The following PCSK2 variants were observed in gnomAD, a reference collection of about 807,000 sequenced individuals.
PCSK2 encodes neuroendocrine convertase 2.
In PCSK2, 14 loss-of-function variants were observed where a neutral mutation model predicts 69.7. The observed-to-expected ratio is 0.20, with a 90% CI of 0.13 to 0.31. The LOEUF (loss-of-function observed/expected upper bound fraction) is 0.31, where lower values mean the gene tolerates loss of function less well. PCSK2 is among the 10% of genes least tolerant of loss of function. The pLI is 1.00. For missense variants in PCSK2, 544 were observed against 842.5 expected, an observed-to-expected ratio of 0.65 and a Z score of 4.39; for synonymous variants, 307 against 320.7, an observed-to-expected ratio of 0.96 and a Z score of 0.46.
intron 5 of PCSK2, among the ~76,000 whole-genome samples, chr20:17,375,549 G>A (rs2030899652): frequency 6.6e-6 from 1 of 152,104 alleles, no homozygotes; most frequent in Admixed American, 6.6e-5. Flanking sequence ...CATAAGGGAG[G>A]GTTAATCCCT....
chr20:17,275,586 C>G (rs1350617027), intron 2 of PCSK2, among the ~76,000 whole-genome samples: 2 of 152,078 alleles, frequency 1.3e-5, no homozygotes, highest in Non-Finnish European at 2.9e-5. Flanking sequence ...TAAAAGTAAC[C>G]TGACTAAAAA....
intron 1 of PCSK2, 95 bp downstream of exon 1, chr20:17,227,577 C>A: frequency 3.4e-6 from 3 of 891,366 alleles, no homozygotes; most frequent in South Asian, 3.3e-5. Context: ...AGTTTTCTCT[C>A]TTTCTCATGC....
intron 1 of PCSK2, 56 bp downstream of exon 1, chr20:17,227,538 G>A: frequency 1.4e-6 from 2 of 1,392,524 alleles, no homozygotes; most frequent in Non-Finnish European, 2.0e-6. Context: ...CGGGGGGGCA[G>A]CCCTGCGCAA....
chr20:17,435,927 C>T (rs1206043763), intron 7 of PCSK2, among the ~76,000 whole-genome samples: 1 of 152,276 alleles, frequency 6.6e-6, no homozygotes, highest in South Asian at 2.1e-4. Flanking sequence ...ACCAGCTCTG[C>T]GGGGGCAGCG....
chr20:17,241,039 C>A (rs182641759), intron 1 of PCSK2, among the ~76,000 whole-genome samples: 2 of 152,120 alleles, frequency 1.3e-5, no homozygotes, highest in Non-Finnish European at 2.9e-5. Flanking sequence ...AGGATCAGTT[C>A]GCGCTGATTA....
chr20:17,249,839 G>T (rs541328340), intron 1 of PCSK2, among the ~76,000 whole-genome samples: 3 of 152,048 alleles, frequency 2.0e-5, no homozygotes, highest in South Asian at 2.1e-4. Flanking sequence ...CCAGGGCTGG[G>T]GGGGGAATGG....
chr20:17,478,167 AT>A (rs2033324428), intron 11 of PCSK2, among the ~76,000 whole-genome samples: 2 of 152,178 alleles, frequency 1.3e-5, no homozygotes, highest in African/African-American at 2.4e-5. Flanking sequence ...AGTGCTTTTC[AT>A]TTTGCTTACT....
intron 2 of PCSK2, among the ~76,000 whole-genome samples, chr20:17,313,378 TC>T (rs936478041): frequency 2.0e-5 from 3 of 151,368 alleles, no homozygotes; most frequent in African/African-American, 7.3e-5. Flanking sequence ...GTGCTCACCT[TC>T]CCCCTCCCAC....
chr20:17,373,571 C>T (rs2030837749), intron 5 of PCSK2, among the ~76,000 whole-genome samples: 1 of 152,162 alleles, frequency 6.6e-6, no homozygotes, highest in Non-Finnish European at 1.5e-5. Flanking sequence ...AATAAATAGA[C>T]ATGTTCTATG....
intron 10 of PCSK2, among the ~76,000 whole-genome samples, chr20:17,462,244 A>G (rs930296292): frequency 6.6e-5 from 10 of 152,024 alleles, no homozygotes; most frequent in Non-Finnish European, 1.2e-4. Context: ...GGAGGAATCC[A>G]TGGAATCAAA....
chr20:17,320,907 G>T (rs1311584586), intron 2 of PCSK2, among the ~76,000 whole-genome samples: 1 of 152,202 alleles, frequency 6.6e-6, no homozygotes, highest in African/African-American at 2.4e-5. Context: ...GTCAGGACTA[G>T]CTTAAATGTA....
At position 17,251,580 on chromosome 20, in the gene PCSK2, T is replaced by C. The variant is rs75600023; in HGVS notation, c.178-8660T>C. Among the ~76,000 whole-genome samples, 391 of 152,366 alleles carry C rather than the reference T, an allele frequency of 2.6e-3. 7 individuals are homozygous for C. The highest frequency in any genetic ancestry group is 0.026 in the East Asian group (133 of 5,186). ...AGCTGCTCCAAGACGGTGTCATCAG[T>C]TGACAGACAGAACCAATATTATTGT... On this transcript the variant is annotated intron_variant, in intron 1 of 11. Coordinates refer to ENST00000262545, the MANE Select transcript of PCSK2 (RefSeq NM_002594.5).
rs2033348915 is a variant in PCSK2 at position 17,479,336 on chromosome 20, A to G, written c.1431-2248A>G. 1.1e-5 allele frequency: 8 copies of G among 753,248 alleles called. No individual in the cohort carries two copies. The South Asian group carries it at 1.1e-4, about 11-fold the overall frequency. The allele number at this position is 753,248 out of a possible 1,614,324, so 46.7% of individuals were successfully genotyped here. ...TGATGTTGTTGTAATTATAATCTTC[A>G]CCACCTAAAACCCCGTCTGCACATT... On this transcript the variant is annotated intron_variant, in intron 11 of 11. Coordinates refer to ENST00000262545, the MANE Select transcript of PCSK2 (RefSeq NM_002594.5).
At chr20:17,422,234 A>T (rs1054648034) in intron 6 of PCSK2, among the ~76,000 whole-genome samples, 4 of 152,226 alleles carry the variant, frequency 2.6e-5, no homozygotes, top group Non-Finnish European at 4.4e-5. Flanking sequence ...CCTACAGCAA[A>T]CATTATTCTT....
At position 17,454,420 on chromosome 20, in the gene PCSK2, C is replaced by T. The variant is rs993030209; in HGVS notation, c.1101+463C>T. ...GATCCATAAACCCCGTAAAATTGCACACACATCTGTTATTTTCTCAGGGAA... is the reference window on the plus strand; with the variant it reads ...GATCCATAAACCCCGTAAAATTGCATACACATCTGTTATTTTCTCAGGGAA... On this transcript the variant is annotated intron_variant, in intron 9 of 11. Transcript: ENST00000262545. Among the ~76,000 whole-genome samples the T allele has an allele frequency of 4.6e-5, 7 of 152,312 alleles. No individual in the cohort carries two copies. The South Asian group carries it at 6.2e-4, about 14-fold the overall frequency.
At chr20:17,287,053 G>A (rs971983578) in intron 2 of PCSK2, among the ~76,000 whole-genome samples, 2 of 152,088 alleles carry the variant, frequency 1.3e-5, no homozygotes, top group Non-Finnish European at 2.9e-5. Flanking sequence ...TTCCTTAAGC[G>A]GACCATAGTC....
At chr20:17,402,053 G>A (rs1283659300) in intron 5 of PCSK2, among the ~76,000 whole-genome samples, 4 of 152,268 alleles carry the variant, frequency 2.6e-5, no homozygotes, top group Non-Finnish European at 4.4e-5. Flanking sequence ...ATAGCAAGCC[G>A]AGCAAGAAGA....
chr20:17,337,652 G>A (rs1220584062), intron 2 of PCSK2, among the ~76,000 whole-genome samples: 1 of 152,060 alleles, frequency 6.6e-6, no homozygotes, highest in African/African-American at 2.4e-5. Context: ...GGAGAGGTGT[G>A]CAGTGACTCA....
chr20:17,433,692 C>T (rs1233364605), intron 7 of PCSK2, among the ~76,000 whole-genome samples: 2 of 152,190 alleles, frequency 1.3e-5, no homozygotes, highest in Non-Finnish European at 2.9e-5. Flanking sequence ...CAGATAGAAA[C>T]ACTTGATGTG....
Sources: allele counts gnomAD v4.1 joint callset (sites outside exome capture counted in the v4.1 genomes callset), GRCh38; gene constraint gnomAD v4.1.1; transcripts MANE v1.5; gene names NCBI Gene and HGNC (gene_info 2026-07-23, HGNC 2026-07-21).